The following GALNT14 variants were observed in gnomAD, a reference collection of about 807,000 sequenced individuals.
The protein encoded by GALNT14 is UDP-GalNAc:polypeptide N-acetylgalactosaminyltransferase 14.
In GALNT14, 60 loss-of-function variants were observed where a neutral mutation model predicts 77.5. The observed-to-expected ratio is 0.77, with a 90% confidence interval of 0.63 to 0.96. The LOEUF (loss-of-function observed/expected upper bound fraction) is 0.96, where lower values mean the gene tolerates loss of function less well. Ranked by LOEUF, GALNT14 falls within the 40% of genes least tolerant of loss-of-function variation. The probability of loss-of-function intolerance (pLI) is 0.00; values close to 1 mark genes in which losing one functional copy is unlikely to be tolerated. For synonymous variants in GALNT14, 280 were observed against 281.7 expected, an observed-to-expected ratio of 0.99 and a Z score of 0.06; for missense variants, 710 against 731.0, an observed-to-expected ratio of 0.97 and a Z score of 0.33.
chr2:30,931,894 G>T (rs529668503), intron 10 of GALNT14, among the ~76,000 whole-genome samples, 174 bp downstream of exon 10: 3 of 151,948 alleles, frequency 2.0e-5, no homozygotes, highest in Non-Finnish European at 2.9e-5. Flanking sequence ...GATGTGACAG[G>T]CCTGCCTTCC....
At chr2:30,895,497 G>C in the GALNT14 span, among the ~76,000 whole-genome samples, 559 of 152,298 alleles carry the variant, frequency 3.7e-3, 2 homozygotes, top group African/African-American at 0.013. Flanking sequence ...CTTTAGTCCA[G>C]TGTTCTTCTC....
intron 1 of GALNT14, among the ~76,000 whole-genome samples, chr2:31,082,415 G>C (rs962057954): frequency 6.6e-6 from 1 of 152,238 alleles, no homozygotes; most frequent in Non-Finnish European, 1.5e-5. Context: ...GGCTGTAATA[G>C]TCAGCAGGTC....
chr2:30,992,983 G>C lies in GALNT14; in HGVS notation c.154C>G (p.Leu52Val), dbSNP rs780231419. The C allele has an allele frequency of 1.2e-6, 2 of 1,614,106 alleles. No individual in the cohort carries two copies. Among genetic ancestry groups the C allele is most frequent in the Admixed American group, 3.3e-5 (2 of 60,014 alleles). Residue 52 changes from leucine to valine, a missense_variant, in exon 2 of 15, where the codon CTG becomes GTG. Physicochemically the swap from Leu to Val is conservative, Grantham distance 32. Transcript: ENST00000349752. ...PKPSDADWDD[L>V]WDQFDERRYL... Reference sequence around the variant, plus strand: ...CGCCGCTCATCAAACTGGTCCCACAGGTCGTCCCAGTCAGCGTCCGAAGGC... The same window carrying C: ...CGCCGCTCATCAAACTGGTCCCACACGTCGTCCCAGTCAGCGTCCGAAGGC...
chr2:31,053,430 C>G (rs1181247011), intron 1 of GALNT14, among the ~76,000 whole-genome samples: 2 of 152,064 alleles, frequency 1.3e-5, no homozygotes, highest in Non-Finnish European at 2.9e-5. Context: ...CTTCTCAAAC[C>G]CCAGTTTTTC....
chr2:30,942,416 C>T (rs1558426422), intron 8 of GALNT14, 112 bp from the exon 9 acceptor site: 2 of 726,686 alleles, frequency 2.8e-6, no homozygotes, highest in Non-Finnish European at 4.6e-6. Flanking sequence ...GAAAGAAAAC[C>T]CCATTGAGGG....
Position 30,910,707 on chromosome 2 carries a change from C to T in GALNT14, c.*194G>A, listed in dbSNP as rs1664304211. 3.6e-6 allele frequency: 2 copies of T among 561,190 alleles called. No individual in the cohort carries two copies. The highest frequency in any genetic ancestry group is 6.2e-6 in the Non-Finnish European group (2 of 322,288). 34.8% of individuals were successfully genotyped at this position (561,190 alleles called of 1,614,324 possible). A position where few individuals can be genotyped will look rare whatever the true frequency, so the allele number is the denominator to read the frequency against. On this transcript the variant is annotated 3_prime_UTR_variant, in exon 15 of 15. Coordinates refer to ENST00000349752, the MANE Select transcript of GALNT14 (RefSeq NM_024572.4). ...GGCCTTGAGAACATGTGGGATTTGT[C>T]TTTGAGCCCCATTGGCTTGTGATGT...
intron 1 of GALNT14, among the ~76,000 whole-genome samples, chr2:31,132,901 C>T (rs1679057076): frequency 6.6e-6 from 1 of 152,152 alleles, no homozygotes; most frequent in South Asian, 2.1e-4. Context: ...TACTGTGAAA[C>T]CTAAGATTGG....
intron 2 of GALNT14, among the ~76,000 whole-genome samples, chr2:30,986,142 T>G (rs993625235): frequency 1.3e-5 from 2 of 152,074 alleles, no homozygotes; most frequent in African/African-American, 4.8e-5. Context: ...TACAGGCAAG[T>G]GATGGGCGCC....
At chr2:30,959,271 GC>G (rs1667547676) in intron 3 of GALNT14, among the ~76,000 whole-genome samples, 1 of 152,134 alleles carries the variant, frequency 6.6e-6, no homozygotes, top group South Asian at 2.1e-4. Flanking sequence ...TCACTTCCCA[GC>G]CCTGAAGTTT....
intron 1 of GALNT14, among the ~76,000 whole-genome samples, chr2:31,057,671 T>A (rs905017965): frequency 1.3e-5 from 2 of 152,078 alleles, no homozygotes; most frequent in African/African-American, 4.8e-5. Context: ...TGGATAACAC[T>A]AACTCAGCTT....
intron 1 of GALNT14, among the ~76,000 whole-genome samples, chr2:31,005,828 A>T (rs1670638900): frequency 6.6e-6 from 1 of 152,242 alleles, no homozygotes; most frequent in African/African-American, 2.4e-5. Flanking sequence ...TGATAAGACA[A>T]GAAAACTATT....
chr2:30,946,856 C>T (rs987546455), intron 6 of GALNT14, among the ~76,000 whole-genome samples: 1 of 152,208 alleles, frequency 6.6e-6, no homozygotes, highest in Non-Finnish European at 1.5e-5. Context: ...CAGGCCCCGA[C>T]TTCCCTGTTA....
intron 1 of GALNT14, chr2:31,126,877 A>G (rs1453399191): frequency 1.3e-5 from 2 of 152,158 alleles, no homozygotes; most frequent in Non-Finnish European, 2.9e-5. Flanking sequence ...CTCTGTCTAT[A>G]AAAGGGAGTA....
At chr2:30,979,197 G>C (rs972733417) in intron 2 of GALNT14, among the ~76,000 whole-genome samples, 2 of 152,188 alleles carry the variant, frequency 1.3e-5, no homozygotes, top group African/African-American at 2.4e-5. Context: ...AGGGCCTGCC[G>C]CAGTCACCCA....
At chr2:30,913,869 C>A (rs1022848451) in intron 13 of GALNT14, among the ~76,000 whole-genome samples, 1 of 152,120 alleles carries the variant, frequency 6.6e-6, no homozygotes. Context: ...TTATACTATT[C>A]GACTTCTGTA....
At position 31,129,259 on chromosome 2, in the gene GALNT14, A is replaced by G. The variant is rs150830460; in HGVS notation, c.129+8699T>C. 3.4e-3 allele frequency: 1,875 copies of G among 544,306 alleles called. 33 individuals are homozygous for G. The African/African-American group carries it at 0.036, about 11-fold the overall frequency. 33.7% of individuals were successfully genotyped at this position (544,306 alleles called of 1,614,324 possible). ...GATTCATCACAGTTCAGAAAACGAGAATAATAATAACACTCACCTCACAAA... is the reference window on the plus strand; with the variant it reads ...GATTCATCACAGTTCAGAAAACGAGGATAATAATAACACTCACCTCACAAA... On this transcript the variant is annotated intron_variant, in intron 1 of 14. Coordinates refer to ENST00000349752, the MANE Select transcript of GALNT14 (RefSeq NM_024572.4).
chr2:30,976,638 T>TGTGTGTGTGA (rs1453500639), intron 2 of GALNT14, among the ~76,000 whole-genome samples: 1 of 151,802 alleles, frequency 6.6e-6, no homozygotes, highest in African/African-American at 2.4e-5. Flanking sequence ...TGTGTGTGTG[T>TGTGTGTGTGA]GTGCAAAAAA....
At chr2:30,958,227 A>G (rs1054724043) in intron 4 of GALNT14, among the ~76,000 whole-genome samples, 170 bp downstream of exon 4, 1 of 152,128 alleles carries the variant, frequency 6.6e-6, no homozygotes, top group Admixed American at 6.5e-5. Flanking sequence ...TTTTGGATAT[A>G]AAGCTTCTCT....
intron 1 of GALNT14, among the ~76,000 whole-genome samples, chr2:31,131,245 G>A (rs983351010): frequency 3.3e-5 from 5 of 152,294 alleles, no homozygotes; most frequent in East Asian, 1.9e-4. Flanking sequence ...ATCTCCTGCC[G>A]CTTGTGTGCA....
Sources: gnomAD v4.1 joint callset for allele counts (sites outside exome capture counted in the v4.1 genomes callset) on GRCh38, gnomAD v4.1.1 for gene constraint, MANE v1.5 for transcripts, NCBI Gene and HGNC (gene_info 2026-07-23, HGNC 2026-07-21) for gene names.